Variants in JARID2 observed in about 807,000 individuals in gnomAD.
The protein encoded by JARID2 is jumonji and AT-rich interaction domain containing 2.
In JARID2, 21 loss-of-function variants were observed where a neutral mutation model predicts 125.6. The ratio of observed to expected loss-of-function variants is 0.17; its 90% CI spans 0.12 to 0.24. JARID2 has a LOEUF of 0.24. JARID2 is among the 10% of genes least tolerant of loss of function. The pLI is 1.00. For synonymous variants in JARID2, 736 were observed against 661.6 expected (o/e 1.11, Z -1.73); for missense variants, 1,303 against 1,639.6 (o/e 0.79, Z 3.55).
chr6:15,414,143 TGA>T (rs1296182596), intron 3 of JARID2, among the ~76,000 whole-genome samples: 3 of 152,114 alleles, frequency 2.0e-5, no homozygotes, highest in Non-Finnish European at 4.4e-5. Flanking sequence ...AGGGGAAGAC[TGA>T]GAGGGATTGT....
At chr6:15,426,389 G>A (rs1405035175) in intron 3 of JARID2, among the ~76,000 whole-genome samples, 1 of 152,160 alleles carries the variant, frequency 6.6e-6, no homozygotes, top group Non-Finnish European at 1.5e-5. Context: ...GAGGCAAGAT[G>A]GTTAGTTGAT....
Position 15,460,244 on chromosome 6 carries a change from G to C in JARID2, c.493+8069G>C, listed in dbSNP as rs78565287. Among the ~76,000 whole-genome samples, 1,377 of 152,284 alleles carry C rather than the reference G, an allele frequency of 9.0e-3. 17 individuals are homozygous for C. Among genetic ancestry groups the C allele is most frequent in the African/African-American group, 0.026 (1,074 of 41,530 alleles). On this transcript the variant is annotated intron_variant, in intron 4 of 17. Transcript: ENST00000341776. ...GGATCACTTTTATTGGCCCTGTGAC[G>C]TTGATCAGATGTTATTAATAAGACT...
chr6:15,477,980 T>A (rs1299142032), intron 5 of JARID2, among the ~76,000 whole-genome samples: 1 of 152,214 alleles, frequency 6.6e-6, no homozygotes, highest in Admixed American at 6.5e-5. Context: ...GTGGGCTGTT[T>A]CAGTGTGGTA....
chr6:15,308,856 ATAGT>A (rs1761921852), intron 1 of JARID2, among the ~76,000 whole-genome samples: 2 of 152,244 alleles, frequency 1.3e-5, no homozygotes, highest in South Asian at 2.1e-4. Flanking sequence ...TGCTTGGATA[ATAGT>A]TAGGCTAATA....
chr6:15,407,979 TC>T (rs1294401742), intron 2 of JARID2, among the ~76,000 whole-genome samples: 1 of 152,118 alleles, frequency 6.6e-6, no homozygotes, highest in Non-Finnish European at 1.5e-5. Context: ...AAAGGAAACT[TC>T]AGGTCAGGTG....
At chr6:15,495,367 G>A (rs1035621061) in intron 6 of JARID2, among the ~76,000 whole-genome samples, 7 of 152,182 alleles carry the variant, frequency 4.6e-5, no homozygotes, top group African/African-American at 1.7e-4. Context: ...TGTAAACGGT[G>A]GGAAAATATA....
chr6:15,517,304 G>A, intron 17 of JARID2, 36 bp downstream of exon 17: 1 of 1,426,968 alleles, frequency 7.0e-7, no homozygotes, highest in Non-Finnish European at 9.9e-7. Context: ...CAGGGCGGCA[G>A]CGTGGCGCCT....
chr6:15,385,815 T>C lies in JARID2; in HGVS notation c.181+11563T>C, dbSNP rs151021488. 5.9e-5 allele frequency among the ~76,000 whole-genome samples: 9 copies of C among 152,270 alleles called. 1 individual carries two copies. The highest frequency in any genetic ancestry group is 2.2e-4 in the African/African-American group (9 of 41,534). On this transcript the variant is annotated intron_variant, in intron 2 of 17. Transcript: ENST00000341776. ...AGTCTGCCAACTGGGACTCCAGATT[T>C]CATTTTAGAAATGCTCACACCGTGA...
rs562623878 is a variant in JARID2, at chr6:15,432,690, GT to G, written c.324-19314del. On this transcript the variant is annotated intron_variant, in intron 3 of 17. Coordinates refer to ENST00000341776, the MANE Select transcript of JARID2 (RefSeq NM_004973.4). Reference sequence around the variant, plus strand: ...CAAAGTTATTTACTTGGGCTAGAAGGTTGGCAGTTTTTCCGTTTGATTTAGT... The same window carrying G: ...CAAAGTTATTTACTTGGGCTAGAAGGTGGCAGTTTTTCCGTTTGATTTAGT... Among the ~76,000 whole-genome samples, 383 of 152,322 alleles carry G rather than the reference GT, an allele frequency of 2.5e-3. 3 individuals carry two copies. Among genetic ancestry groups the G allele is most frequent in the African/African-American group, 8.9e-3 (369 of 41,566 alleles).
At chr6:15,326,008 A>C (rs1012208290) in intron 1 of JARID2, among the ~76,000 whole-genome samples, 7 of 152,228 alleles carry the variant, frequency 4.6e-5, no homozygotes, top group African/African-American at 1.4e-4. Flanking sequence ...ATGATTGTAT[A>C]ATTTTCTAAA....
chr6:15,304,765 G>A (rs1761761024), intron 1 of JARID2, among the ~76,000 whole-genome samples: 2 of 152,156 alleles, frequency 1.3e-5, no homozygotes, highest in South Asian at 4.1e-4. Flanking sequence ...CTTAGTATCT[G>A]CTTTCTTAGA....
intron 1 of JARID2, among the ~76,000 whole-genome samples, chr6:15,339,822 AC>A (rs995275097): frequency 6.6e-6 from 1 of 152,184 alleles, no homozygotes; most frequent in African/African-American, 2.4e-5. Flanking sequence ...GGCGTGAGCC[AC>A]CATGCCTGGC....
At chr6:15,302,838 G>A (rs1452901571) in intron 1 of JARID2, among the ~76,000 whole-genome samples, 1 of 152,008 alleles carries the variant, frequency 6.6e-6, no homozygotes, top group African/African-American at 2.4e-5. Context: ...GGGTTCAAGC[G>A]ATTCTTCTGC....
intron 1 of JARID2, among the ~76,000 whole-genome samples, chr6:15,353,380 T>C (rs1012927241): frequency 2.0e-5 from 3 of 152,238 alleles, no homozygotes; most frequent in Non-Finnish European, 4.4e-5. Context: ...TTGTACCTAT[T>C]CTGAGAGAGC....
intron 4 of JARID2, among the ~76,000 whole-genome samples, chr6:15,456,555 G>A (rs1768184907): frequency 6.6e-6 from 1 of 151,898 alleles, no homozygotes; most frequent in Non-Finnish European, 1.5e-5. Context: ...TAGATCTGAG[G>A]TATTAAAAAT....
intron 3 of JARID2, among the ~76,000 whole-genome samples, chr6:15,432,016 C>G (rs1042232630): frequency 6.6e-6 from 1 of 151,924 alleles, no homozygotes; most frequent in African/African-American, 2.4e-5. Context: ...ACCCACAGTT[C>G]AGCTGGTACC....
chr6:15,400,963 C>A, intron 2 of JARID2: 1 of 1,289,448 alleles, frequency 7.8e-7, no homozygotes, highest in Non-Finnish European at 1.0e-6. Context: ...GGCTGCTCCA[C>A]GGGTCTGTCA....
intron 4 of JARID2, among the ~76,000 whole-genome samples, chr6:15,453,526 G>A (rs139492128): frequency 6.6e-6 from 1 of 152,306 alleles, no homozygotes; most frequent in East Asian, 1.9e-4. Context: ...TTCGACTGTG[G>A]TGGGCCTGTT....
intron 1 of JARID2, among the ~76,000 whole-genome samples, chr6:15,315,997 C>G (rs1435336208): frequency 6.6e-6 from 1 of 151,918 alleles, no homozygotes; most frequent in Non-Finnish European, 1.5e-5. Context: ...ACACAGTTTA[C>G]ACGAGTCCTG....
Sources: gnomAD v4.1 joint callset for allele counts (sites outside exome capture counted in the v4.1 genomes callset) on GRCh38, gnomAD v4.1.1 for gene constraint, MANE v1.5 for transcripts, NCBI Gene and HGNC (gene_info 2026-07-23, HGNC 2026-07-21) for gene names.